Variants in TSHZ2 observed in about 807,000 individuals in gnomAD.
The protein encoded by TSHZ2 is teashirt homolog 2.
In TSHZ2, 21 loss-of-function variants were observed where a neutral mutation model predicts 74.4. The ratio of observed to expected loss-of-function variants is 0.28; its 90% CI spans 0.20 to 0.41. The LOEUF is 0.41. TSHZ2 is among the 10% of genes least tolerant of loss of function. The pLI, the probability that TSHZ2 is intolerant of heterozygous loss-of-function variation, is 1.00. For missense variants in TSHZ2, 1,244 were observed against 1,293.5 expected, an observed-to-expected ratio of 0.96 and a Z score of 0.59; for synonymous variants, 540 against 515.3, an observed-to-expected ratio of 1.05 and a Z score of -0.65.
intron 1 of TSHZ2, among the ~76,000 whole-genome samples, chr20:53,036,083 G>A (rs184800864): frequency 2.8e-4 from 43 of 152,034 alleles, no homozygotes; most frequent in African/African-American, 8.7e-4. Context: ...GACTAATTCC[G>A]CTTCTCGACC....
intron 2 of TSHZ2, among the ~76,000 whole-genome samples, chr20:53,380,044 C>G (rs1981800618): frequency 6.6e-6 from 1 of 152,168 alleles, no homozygotes; most frequent in African/African-American, 2.4e-5. Flanking sequence ...TAACCTGTAT[C>G]TGTTTACCCA....
At chr20:53,247,888 G>A (rs1028903953) in intron 1 of TSHZ2, among the ~76,000 whole-genome samples, 1 of 152,156 alleles carries the variant, frequency 6.6e-6, no homozygotes, top group Non-Finnish European at 1.5e-5. Context: ...AACTGTCAGT[G>A]TTTTTACTGT....
In TSHZ2 at chr20:53,372,871, G is replaced by A. The variant is rs568172162; in HGVS notation, c.*9-114273G>A. On this transcript the variant is annotated intron_variant, in intron 2 of 2. Coordinates refer to ENST00000371497, the MANE Select transcript of TSHZ2 (RefSeq NM_173485.6). ...GAAAATCTACCTCCTGGAATCATGG[G>A]ATAGAACATACAGGGGAGGAAAAGC... is the stretch of plus-strand genomic sequence containing the variant. 2.0e-5 allele frequency among the ~76,000 whole-genome samples: 3 copies of A among 152,282 alleles called. No individual in the cohort carries two copies. The South Asian group carries it at 6.2e-4, about 32-fold the overall frequency.
intron 1 of TSHZ2, among the ~76,000 whole-genome samples, chr20:53,150,684 A>G (rs942478612): frequency 2.6e-5 from 4 of 152,096 alleles, no homozygotes; most frequent in East Asian, 1.9e-4. Flanking sequence ...AGAAAGGAAA[A>G]AGGAAGGAAG....
chr20:53,134,194 T>A lies in TSHZ2; in HGVS notation c.41-119305T>A, dbSNP rs565741299. Among the ~76,000 whole-genome samples the A allele has an allele frequency of 2.0e-5, 3 of 152,246 alleles. No homozygotes were observed. In the South Asian group the frequency reaches 6.2e-4, roughly 32 times the overall value. On this transcript the variant is annotated intron_variant, in intron 1 of 2. Coordinates refer to ENST00000371497, the MANE Select transcript of TSHZ2 (RefSeq NM_173485.6). ...ATAGCAACCTCTCTGAGATAACCCA[T>A]AAAGAAGTGCTCTGAAAACCCCAGA...
intron 1 of TSHZ2, among the ~76,000 whole-genome samples, chr20:52,996,119 T>C (rs985915332): frequency 5.9e-5 from 9 of 152,146 alleles, no homozygotes; most frequent in Admixed American, 3.3e-4. Context: ...AAGAGATATA[T>C]TCTTTTGAGG....
chr20:53,396,846 T>TG (rs1288656846), intron 2 of TSHZ2, among the ~76,000 whole-genome samples: 4 of 89,492 alleles, frequency 4.5e-5, no homozygotes, highest in African/African-American at 3.0e-4. Flanking sequence ...AGCAATACCC[T>TG]GAAAAAAAAA....
At chr20:53,081,436 C>A (rs1006280358) in intron 1 of TSHZ2, among the ~76,000 whole-genome samples, 1 of 152,172 alleles carries the variant, frequency 6.6e-6, no homozygotes, top group Non-Finnish European at 1.5e-5. Context: ...AAACACTGAA[C>A]ACAGAAAACT....
At chr20:53,344,686 A>C (rs1980365203) in intron 2 of TSHZ2, among the ~76,000 whole-genome samples, 1 of 152,224 alleles carries the variant, frequency 6.6e-6, no homozygotes, top group Non-Finnish European at 1.5e-5. Context: ...CTAAAAGCAA[A>C]TGAATTCCAA....
At chr20:53,433,789 A>T (rs8121886) in intron 2 of TSHZ2, among the ~76,000 whole-genome samples, 6,894 of 152,254 alleles carry the variant, frequency 0.045, 327 homozygotes, top group African/African-American at 0.12. Flanking sequence ...AAATCTGTTT[A>T]TCTTTCTCAA....
In TSHZ2 at chr20:53,332,597, G is replaced by A. The variant is rs1020986086; in HGVS notation, c.*8+76026G>A. ...CATACATGCAGGCACGCATGTGTTT[G>A]GAGTGGTGTGTGAAGCTGAAAGCCA... On this transcript the variant is annotated intron_variant, in intron 2 of 2. Coordinates refer to ENST00000371497, the MANE Select transcript of TSHZ2 (RefSeq NM_173485.6). Among the ~76,000 whole-genome samples the A allele has an allele frequency of 3.3e-5, 5 of 152,260 alleles. No individual in the cohort carries two copies. The South Asian group carries it at 1.0e-3, about 32-fold the overall frequency.
chr20:53,313,798 G>T (rs1346190128), intron 2 of TSHZ2, among the ~76,000 whole-genome samples: 1 of 152,150 alleles, frequency 6.6e-6, no homozygotes, highest in African/African-American at 2.4e-5. Flanking sequence ...CACCGAATCT[G>T]CTTCCATTTG....
intron 2 of TSHZ2, among the ~76,000 whole-genome samples, chr20:53,260,341 C>T (rs1990578469): frequency 6.6e-6 from 1 of 152,214 alleles, no homozygotes. Context: ...GAGATTCTGC[C>T]TGAATTCCCC....
At chr20:53,171,152 G>A (rs936317839) in intron 1 of TSHZ2, among the ~76,000 whole-genome samples, 2 of 152,130 alleles carry the variant, frequency 1.3e-5, no homozygotes, top group Non-Finnish European at 2.9e-5. Context: ...CCCTCGATCC[G>A]AAAGCCTTAA....
chr20:53,014,873 TTGTG>T lies in TSHZ2; in HGVS notation c.40+41543_40+41546del, dbSNP rs1982980130. Among the ~76,000 whole-genome samples, 3 of 152,280 alleles carry T rather than the reference TTGTG, an allele frequency of 2.0e-5. No homozygotes were observed. In the South Asian group the frequency reaches 6.2e-4, roughly 32 times the overall value. On this transcript the variant is annotated intron_variant, in intron 1 of 2. Transcript: ENST00000371497. ...CGTACAGAATGAGTCGTCTGTTCGT[TTGTG>T]TGCAATGAATGGATACATTTTGTAA...
intron 2 of TSHZ2, among the ~76,000 whole-genome samples, chr20:53,293,611 G>A (rs1432456606): frequency 6.6e-6 from 1 of 151,760 alleles, no homozygotes; most frequent in East Asian, 1.9e-4. Flanking sequence ...ACAACAGTGT[G>A]GCACCAGACA....
At chr20:53,415,135 T>C (rs1983191859) in intron 2 of TSHZ2, among the ~76,000 whole-genome samples, 1 of 152,118 alleles carries the variant, frequency 6.6e-6, no homozygotes, top group Non-Finnish European at 1.5e-5. Flanking sequence ...GAAAAGAAAA[T>C]ATCTTTCCCC....
chr20:53,221,693 CT>C (rs919878756), intron 1 of TSHZ2, among the ~76,000 whole-genome samples: 5 of 152,120 alleles, frequency 3.3e-5, no homozygotes, highest in African/African-American at 9.7e-5. Flanking sequence ...TAATCACTTG[CT>C]TTTTTTCCCC....
chr20:53,270,494 T>C (rs1990812343), intron 2 of TSHZ2, among the ~76,000 whole-genome samples: 1 of 152,184 alleles, frequency 6.6e-6, no homozygotes, highest in Non-Finnish European at 1.5e-5. Flanking sequence ...AGCTAGTAAG[T>C]AGCAGAGCTG....
Sources: allele counts gnomAD v4.1 joint callset (sites outside exome capture counted in the v4.1 genomes callset), GRCh38; gene constraint gnomAD v4.1.1; transcripts MANE v1.5; gene names NCBI Gene and HGNC (gene_info 2026-07-23, HGNC 2026-07-21).